ING5: variants seen among roughly 807,000 people sequenced by gnomAD.
The protein encoded by ING5 is inhibitor of growth family member 5.
In ING5, 17 loss-of-function variants were observed where a neutral mutation model predicts 37.4. That is an observed-to-expected ratio of 0.45 (90% confidence interval 0.31 to 0.68). The LOEUF (loss-of-function observed/expected upper bound fraction) is 0.68. ING5 is among the 30% of genes least tolerant of loss of function. The pLI, the probability that ING5 is intolerant of heterozygous loss-of-function variation, is 0.05. For missense variants in ING5, 233 were observed against 311.9 expected (o/e 0.75, Z 1.91); for synonymous variants, 123 against 116.6 (o/e 1.06, Z -0.36).
At chr2:241,719,970 C>T (rs2070388187) in intron 5 of ING5, 1 of 1,273,376 alleles carries the variant, frequency 7.9e-7, no homozygotes, top group Non-Finnish European at 9.9e-7. Flanking sequence ...TCTCTGTGCC[C>T]CCAAGTGGCA....
At chr2:241,714,404 TTC>T (rs1053798136) in intron 5 of ING5, among the ~76,000 whole-genome samples, 16 of 152,280 alleles carry the variant, frequency 1.1e-4, no homozygotes, top group African/African-American at 3.4e-4. Flanking sequence ...TATTCAGGCT[TTC>T]TATTTCTTCT....
chr2:241,718,043 G>A (rs1388156742), intron 5 of ING5, among the ~76,000 whole-genome samples: 1 of 152,104 alleles, frequency 6.6e-6, no homozygotes, highest in Non-Finnish European at 1.5e-5. Context: ...GACAGGTTCA[G>A]GCTCTGTGGC....
intron 5 of ING5, chr2:241,722,610 A>G: frequency 3.0e-6 from 3 of 984,968 alleles, no homozygotes; most frequent in Non-Finnish European, 3.6e-6. Flanking sequence ...GCGCCTTCTT[A>G]GAACATTGCG....
upstream of ING5, chr2:241,701,975 T>G: frequency 1.1e-6 from 1 of 908,988 alleles, no homozygotes; most frequent in Non-Finnish European, 1.4e-6. Context: ...CGCGCGCGAC[T>G]CATGAATAGT....
Position 241,712,083 on chromosome 2 carries a change from T to G in ING5, c.482+12T>G. The G allele has an allele frequency of 6.3e-7, 1 of 1,576,888 alleles. No individual in the cohort carries two copies. Among genetic ancestry groups the G allele is most frequent in the Non-Finnish European group, 8.6e-7 (1 of 1,160,184 alleles). ...AAGCACAAAGGAGGGTAAGAGGCTT[T>G]CCCCTCTTTTTCCCAAAAGAACGAA... On this transcript the variant is annotated intron_variant, in intron 5 of 7. Transcript: ENST00000313552.
In ING5 at chr2:241,725,415, G is replaced by A. The variant is rs1691573771; in HGVS notation, c.*384G>A. ...TTCCTGTGGTTTTCCAGGACTGTCC[G>A]GTACAGCCCGGGCTCCGCGTGCCCC... On this transcript the variant is annotated 3_prime_UTR_variant, in exon 8 of 8. Coordinates refer to ENST00000313552, the MANE Select transcript of ING5 (RefSeq NM_032329.6). 5.2e-6 allele frequency: 1 copy of A among 193,858 alleles called. No homozygotes were observed. The highest frequency in any genetic ancestry group is 1.1e-5 in the Non-Finnish European group (1 of 94,996). 12.0% of individuals were successfully genotyped at this position (193,858 alleles called of 1,614,324 possible).
At chr2:241,720,950 G>A (rs535260836) in intron 5 of ING5, 11 of 985,510 alleles carry the variant, frequency 1.1e-5, no homozygotes, top group African/African-American at 3.5e-5. Flanking sequence ...CTTGCTGGGC[G>A]GTCCCCTCAG....
At chr2:241,724,191 C>T (rs191076132) in intron 7 of ING5, among the ~76,000 whole-genome samples, 1 of 152,160 alleles carries the variant, frequency 6.6e-6, no homozygotes, top group East Asian at 1.9e-4. Flanking sequence ...GCCAGTTATC[C>T]TTGGTGTTCG....
chr2:241,718,490 C>T (rs2070341820), intron 5 of ING5, among the ~76,000 whole-genome samples: 1 of 147,980 alleles, frequency 6.8e-6, no homozygotes, highest in Non-Finnish European at 1.5e-5. Context: ...AATCTTGGCT[C>T]ACTGCAAGCT....
At chr2:241,698,940 C>G (rs1437650672), upstream of ING5, among the ~76,000 whole-genome samples, 1 of 152,116 alleles carries the variant, frequency 6.6e-6, no homozygotes, top group Non-Finnish European at 1.5e-5. Flanking sequence ...ATTGGTCAGG[C>G]TGGTCTCGAA....
rs1286193531 is a variant in ING5 at position 241,718,884 on chromosome 2, T to TA, written c.483-4048dup. Among the ~76,000 whole-genome samples the TA allele has an allele frequency of 2.0e-5, 3 of 152,188 alleles. 1 individual carries two copies. Among genetic ancestry groups the TA allele is most frequent in the Non-Finnish European group, 1.5e-5 (1 of 68,024 alleles). On this transcript the variant is annotated intron_variant, in intron 5 of 7. Transcript: ENST00000313552. ...CCACCATTCCTTGGTAACCAGCTTT[T>TA]AAAAAAACATAATCAGTCCTATTTC... is the stretch of plus-strand genomic sequence containing the variant.
At chr2:241,722,106 G>C in intron 5 of ING5, 2 of 985,406 alleles carry the variant, frequency 2.0e-6, no homozygotes, top group Non-Finnish European at 2.4e-6. Flanking sequence ...TAGGTGCGTG[G>C]AGGGCCCGGG....
At chr2:241,702,292 C>G (rs1430693172) in intron 1 of ING5, among the ~76,000 whole-genome samples, 190 bp downstream of exon 1, 1 of 147,238 alleles carries the variant, frequency 6.8e-6, no homozygotes, top group African/African-American at 2.5e-5. Flanking sequence ...GGGGGGCGGG[C>G]GCGGGGGGTC....
Position 241,728,516 on chromosome 2 carries a change from A to G in ING5, c.*3485A>G, listed in dbSNP as rs916332266. 9.8e-5 allele frequency: 15 copies of G among 152,850 alleles called. No homozygotes were observed. Among genetic ancestry groups the G allele is most frequent in the African/African-American group, 3.1e-4 (13 of 41,598 alleles). 9.5% of individuals were successfully genotyped at this position (152,850 alleles called of 1,614,324 possible). A position where few individuals can be genotyped will look rare whatever the true frequency, so the allele number is the denominator to read the frequency against. ...TGTTTTCAGTGCTGCGGTATCAGTC[A>G]GTGATCTGAGGAAATCCTGTAGGGG... On this transcript the variant is annotated 3_prime_UTR_variant, in exon 8 of 8. Transcript: ENST00000313552.
intron 5 of ING5, chr2:241,720,674 C>G: frequency 2.0e-6 from 2 of 985,566 alleles, no homozygotes; most frequent in Non-Finnish European, 2.4e-6. Flanking sequence ...GAAGGGCTCG[C>G]TGGCACCGTC....
intron 1 of ING5, among the ~76,000 whole-genome samples, chr2:241,688,243 A>G (rs1445966602): frequency 1.3e-5 from 2 of 152,212 alleles, no homozygotes; most frequent in East Asian, 3.8e-4. Context: ...TTACCTTTCG[A>G]GGCGATTATT....
At chr2:241,691,237 A>G (rs1314812622) in intron 2 of ING5, among the ~76,000 whole-genome samples, 3 of 151,702 alleles carry the variant, frequency 2.0e-5, no homozygotes, top group Admixed American at 1.3e-4. Flanking sequence ...TCAGGAGTTC[A>G]AGACCAGCCT....
intron 2 of ING5, among the ~76,000 whole-genome samples, chr2:241,708,135 A>G (rs2069982382): frequency 6.6e-6 from 1 of 151,728 alleles, no homozygotes; most frequent in Non-Finnish European, 1.5e-5. Context: ...TAACCTCGTG[A>G]TCCTCCTGCC....
intron 3 of ING5, among the ~76,000 whole-genome samples, chr2:241,711,082 G>A (rs528537968): frequency 1.2e-4 from 18 of 152,284 alleles, no homozygotes; most frequent in African/African-American, 2.9e-4. Context: ...AGGGTTCAGC[G>A]TCAGATATCC....
Sources: allele counts gnomAD v4.1 joint callset (sites outside exome capture counted in the v4.1 genomes callset), GRCh38; gene constraint gnomAD v4.1.1; transcripts MANE v1.5; gene names NCBI Gene and HGNC (gene_info 2026-07-23, HGNC 2026-07-21).